Variants in IL17RA observed in about 807,000 individuals in gnomAD.
IL17RA encodes the protein interleukin 17 receptor A, also known as interleukin-17 receptor A.
Under a neutral mutation model 50.4 loss-of-function variants are expected in IL17RA, and 34 were observed. That is an observed-to-expected ratio of 0.67 (90% CI 0.51 to 0.90). The LOEUF is 0.90. Among genes scored for constraint, IL17RA ranks in the 40% least tolerant of loss-of-function variants. The pLI is 0.00. For missense variants in IL17RA, 1,276 were observed against 1,169.8 expected (o/e 1.09, Z -1.32); for synonymous variants, 585 against 510.4 (o/e 1.15, Z -1.97).
Position 17,094,675 on chromosome 22 carries a change from C to CTATATATATATATGTG in IL17RA, c.139-2386_139-2385insATATATATATATGTGT, listed in dbSNP as rs1568917420. 1.4e-3 allele frequency among the ~76,000 whole-genome samples: 71 copies of CTATATATATATATGTG among 49,330 alleles called. 5 individuals carry two copies. The highest frequency in any genetic ancestry group is 2.1e-3 in the Non-Finnish European group (55 of 25,854). 32.4% of individuals were successfully genotyped at this position (49,330 alleles called of 152,430 possible). A position where few individuals can be genotyped will look rare whatever the true frequency, so the allele number is the denominator to read the frequency against. On this transcript the variant is annotated intron_variant, in intron 1 of 12. Coordinates refer to ENST00000319363, the MANE Select transcript of IL17RA (RefSeq NM_014339.7). The stretch of plus-strand genomic sequence containing the variant: ...ACACACACTCTCTCTCTCTCTCTCT[C>CTATATATATATATGTG]TCTCTCTCTCTCTCTCTATATATAT...
chr22:17,100,506 C>T, intron 5 of IL17RA, 25 bp downstream of exon 5: 1 of 1,613,054 alleles, frequency 6.2e-7, no homozygotes, highest in Non-Finnish European at 8.5e-7. Flanking sequence ...CCAAGACATT[C>T]CCTCCCCAAT....
rs1470971218 is a variant in IL17RA, at chr22:17,115,262, T to C, written c.*5442T>C. 2.6e-5 allele frequency: 4 copies of C among 152,288 alleles called. No individual in the cohort carries two copies. The highest frequency in any genetic ancestry group is 5.9e-5 in the Non-Finnish European group (4 of 68,054). 9.4% of individuals were successfully genotyped at this position (152,288 alleles called of 1,614,324 possible). The stretch of plus-strand genomic sequence containing the variant: ...ATGGTCCTACGTTGTTCTGTAATTA[T>C]TTTCTATGTAAATTTTGTTCCTTGT... On this transcript the variant is annotated 3_prime_UTR_variant, in exon 13 of 13. Transcript: ENST00000319363.
chr22:17,094,691 C>CTCTCTCTCTCTATATATATATATATA (rs1448096911), intron 1 of IL17RA, among the ~76,000 whole-genome samples: 2 of 24,696 alleles, frequency 8.1e-5, no homozygotes, highest in East Asian at 1.0e-3. Flanking sequence ...CTCTCTCTCT[C>CTCTCTCTCTCTATATATATATATATA]TATATATATA....
At chr22:17,105,000 TG>T (rs1373568194) in intron 9 of IL17RA, among the ~76,000 whole-genome samples, 190 bp downstream of exon 9, 4 of 152,226 alleles carry the variant, frequency 2.6e-5, no homozygotes, top group Non-Finnish European at 2.9e-5. Context: ...GACTCCTGGC[TG>T]TCTTTCATTA....
At chr22:17,095,412 A>G (rs370487503) in intron 1 of IL17RA, among the ~76,000 whole-genome samples, 1 of 152,206 alleles carries the variant, frequency 6.6e-6, no homozygotes, top group South Asian at 2.1e-4. Context: ...CTGGGAATCA[A>G]CCAAGTGTGT....
rs2061453498 is a variant in IL17RA at position 17,113,479 on chromosome 22, G to A, written c.*3659G>A. ...CCCAAAGTGCTGGGATTATAGGCCT[G>A]AGCCCACCGTGCCTGGCCTTTCCTG... On this transcript the variant is annotated 3_prime_UTR_variant, in exon 13 of 13. Transcript: ENST00000319363. 1 of 152,272 alleles carries A rather than the reference G, an allele frequency of 6.6e-6. No homozygotes were observed. Among genetic ancestry groups the A allele is most frequent in the South Asian group, 2.1e-4 (1 of 4,834 alleles). 9.4% of individuals were successfully genotyped at this position (152,272 alleles called of 1,614,324 possible). A position where few individuals can be genotyped will look rare whatever the true frequency, so the allele number is the denominator to read the frequency against.
Position 17,110,058 on chromosome 22 carries a change from G to C in IL17RA, c.*238G>C, listed in dbSNP as rs143922111. On this transcript the variant is annotated 3_prime_UTR_variant, in exon 13 of 13. Transcript: ENST00000319363. ...AGCCCGCTCCCAGGAGCTAATGGTA[G>C]AGCGTCCTTGAGGCTCCATTATTCG... 2.2e-3 allele frequency: 1,252 copies of C among 567,116 alleles called. 15 individuals are homozygous for C. The highest frequency in any genetic ancestry group is 0.021 in the African/African-American group (1,138 of 53,416). The allele number at this position is 567,116 out of a possible 1,614,324, so 35.1% of individuals were successfully genotyped here.
chr22:17,109,947 A>G lies in IL17RA; in HGVS notation c.*127A>G. On this transcript the variant is annotated 3_prime_UTR_variant, in exon 13 of 13. Coordinates refer to ENST00000319363, the MANE Select transcript of IL17RA (RefSeq NM_014339.7). Reference sequence around the variant, plus strand: ...GTGAAATGTAGGCTTTAAAATGTAAATGTCTGGATTTTAATCCCAGGCATC... The same window carrying G: ...GTGAAATGTAGGCTTTAAAATGTAAGTGTCTGGATTTTAATCCCAGGCATC... 2 of 960,342 alleles carry G rather than the reference A, an allele frequency of 2.1e-6. No homozygotes were observed. The highest frequency in any genetic ancestry group is 3.2e-5 in the South Asian group (2 of 63,384). 59.5% of individuals were successfully genotyped at this position (960,342 alleles called of 1,614,324 possible).
Position 17,102,130 on chromosome 22 carries a change from C to A in IL17RA, c.599-9C>A, listed in dbSNP as rs1568920420. Reference sequence around the variant, plus strand: ...CCTCACTCCCAGCCTGCGTGTGTGACCTTGGCAGGCAGCCTGTGGGACCCC... The same window carrying A: ...CCTCACTCCCAGCCTGCGTGTGTGAACTTGGCAGGCAGCCTGTGGGACCCC... On this transcript the variant is annotated splice_polypyrimidine_tract_variant and intron_variant, in intron 6 of 12. Transcript: ENST00000319363. 2 of 1,614,144 alleles carry A rather than the reference C, an allele frequency of 1.2e-6. No individual in the cohort carries two copies. The highest frequency in any genetic ancestry group is 1.7e-6 in the Non-Finnish European group (2 of 1,180,012).
At position 17,100,357 on chromosome 22, in the gene IL17RA, G is replaced by C; in HGVS notation, c.426G>C (p.Trp142Cys). The stretch of plus-strand genomic sequence containing the variant: ...TTCCCTTCCTCCCTTCTCTTCAGTG[G>C]CGTTTTACCTTCAGCCACTTTGTGG... The part of the protein sequence containing the change: ...LSKLRHHHRR[W>C]RFTFSHFVVD... The change falls in exon 5 of 13, where the codon TGG becomes TGC. Residue 142 changes from tryptophan to cysteine, a missense_variant and splice_region_variant. Physicochemically the swap from Trp to Cys is radical, Grantham distance 215. Transcript: ENST00000319363. The C allele has an allele frequency of 6.2e-7, 1 of 1,614,080 alleles. No homozygotes were observed. Among genetic ancestry groups the C allele is most frequent in the Non-Finnish European group, 8.5e-7 (1 of 1,180,012 alleles).
chr22:17,085,830 T>C (rs1162167179), intron 1 of IL17RA, among the ~76,000 whole-genome samples: 1 of 152,056 alleles, frequency 6.6e-6, no homozygotes, highest in Non-Finnish European at 1.5e-5. Flanking sequence ...CCCGCTGTCG[T>C]AGAGCCACGC....
In IL17RA at chr22:17,097,898, G is replaced by A. The variant is rs138012070; in HGVS notation, c.265G>A (p.Asp89Asn). 8 of 1,614,150 alleles carry A rather than the reference G, an allele frequency of 5.0e-6. No homozygotes were observed. The African/African-American group carries it at 6.7e-5, about 13-fold the overall frequency. Residue 89 changes from aspartate (D) to asparagine (N), a missense_variant, in exon 3 of 13, where the codon GAC becomes AAC. Physicochemically the swap from Asp to Asn is conservative, Grantham distance 23. Transcript: ENST00000319363. ...QLHFAHTQQG[D>N]LFPVAHIEWT... Reference sequence around the variant, plus strand: ...GCACTTTGCCCACACCCAACAAGGAGACCTGTTCCCCGTGGCTCACATCGA... The same window carrying A: ...GCACTTTGCCCACACCCAACAAGGAAACCTGTTCCCCGTGGCTCACATCGA...
At position 17,114,083 on chromosome 22, in the gene IL17RA, A is replaced by G. The variant is rs2061456998; in HGVS notation, c.*4263A>G. 1 of 152,252 alleles carries G rather than the reference A, an allele frequency of 6.6e-6. No homozygotes were observed. The highest frequency in any genetic ancestry group is 2.1e-4 in the South Asian group (1 of 4,832). The allele number at this position is 152,252 out of a possible 1,614,324, so 9.4% of individuals were successfully genotyped here. ...CAGGAGCTCAGGAAGTACTTGGCTG[A>G]GTGAACATGTCCATTGTGGAAAAAT... On this transcript the variant is annotated 3_prime_UTR_variant, in exon 13 of 13. Coordinates refer to ENST00000319363, the MANE Select transcript of IL17RA (RefSeq NM_014339.7).
rs1372753098 is a variant in IL17RA, at chr22:17,112,974, A to G, written c.*3154A>G. The G allele has an allele frequency of 6.9e-6, 1 of 144,622 alleles. No homozygotes were observed. Among genetic ancestry groups the G allele is most frequent in the African/African-American group, 2.6e-5 (1 of 38,796 alleles). The allele number at this position is 144,622 out of a possible 1,614,324, so 9.0% of individuals were successfully genotyped here. On this transcript the variant is annotated 3_prime_UTR_variant, in exon 13 of 13. Coordinates refer to ENST00000319363, the MANE Select transcript of IL17RA (RefSeq NM_014339.7). ...AGAGTTTCATGACTTTTTCCTGCCT[A>G]CTATCTTGATCCTAGTTTTTTTTTT...
intron 4 of IL17RA, among the ~76,000 whole-genome samples, chr22:17,099,856 C>T (rs2061383416): frequency 6.6e-6 from 1 of 152,158 alleles, no homozygotes. Context: ...TGCCTGCTGG[C>T]CCAGGGTGAG....
intron 7 of IL17RA, 60 bp downstream of exon 7, chr22:17,102,362 GTCTCT>G: frequency 1.3e-6 from 2 of 1,579,500 alleles, no homozygotes; most frequent in Non-Finnish European, 8.7e-7. Context: ...CAAGCCCTGA[GTCTCT>G]TCTCTGCTGG....
At chr22:17,100,585 G>A in intron 5 of IL17RA, 104 bp downstream of exon 5, 11 of 1,434,576 alleles carry the variant, frequency 7.7e-6, no homozygotes, top group Non-Finnish European at 9.7e-6. Flanking sequence ...ACATTGGCTG[G>A]CATTGCCAGC....
chr22:17,108,310 G>A lies in IL17RA; in HGVS notation c.1091G>A (p.Gly364Asp). The change falls in exon 13 of 13, where the codon GGC (glycine) becomes GAC (aspartate). Residue 364 changes from glycine (G) to aspartate (D), a missense_variant. Coordinates refer to ENST00000319363, the MANE Select transcript of IL17RA (RefSeq NM_014339.7). ...KYSDDTKYTDGLPAADLIPPP... is the reference protein window; with the variant it reads ...KYSDDTKYTDDLPAADLIPPP... ...ATGTGTGGTCTTGTTTCCTTAGATG[G>A]CCTGCCTGCGGCTGACCTGATCCCC... The A allele has an allele frequency of 6.2e-7, 1 of 1,614,064 alleles. No individual in the cohort carries two copies. Among genetic ancestry groups the A allele is most frequent in the South Asian group, 1.1e-5 (1 of 91,076 alleles).
At position 17,085,108 on chromosome 22, in the gene IL17RA, G is replaced by C. The variant is rs2061321130; in HGVS notation, c.17G>C (p.Ser6Thr). 1 of 1,368,896 alleles carries C rather than the reference G, an allele frequency of 7.3e-7. No homozygotes were observed. Among genetic ancestry groups the C allele is most frequent in the Non-Finnish European group, 9.4e-7 (1 of 1,061,780 alleles). The allele number at this position is 1,368,896 out of a possible 1,614,324, so 84.8% of individuals were successfully genotyped here. A position where few individuals can be genotyped will look rare whatever the true frequency, so the allele number is the denominator to read the frequency against. ...AGCCGGGCCATGGGGGCCGCACGCA[G>C]CCCGCCGTCCGCTGTCCCGGGGCCC... MGAAR[S>T]PPSAVPGPLL... is the part of the protein sequence containing the mutation. Residue 6 changes from serine (S) to threonine (T), a missense_variant, in exon 1 of 13, where the codon AGC (serine) becomes ACC (threonine). Ser to Thr is a moderately conservative substitution (Grantham distance 58). Coordinates refer to ENST00000319363, the MANE Select transcript of IL17RA (RefSeq NM_014339.7).
Sources: gnomAD v4.1 joint callset for allele counts (sites outside exome capture counted in the v4.1 genomes callset) on GRCh38, gnomAD v4.1.1 for gene constraint, MANE v1.5 for transcripts, NCBI Gene and HGNC (gene_info 2026-07-23, HGNC 2026-07-21) for gene names.